Variants in TRPM6 observed in about 807,000 individuals in gnomAD.
TRPM6 encodes transient receptor potential cation channel subfamily M member 6.
TRPM6 carries 111 observed loss-of-function variants against 247.6 expected under a neutral mutation model. The observed-to-expected ratio is 0.45, with a 90% CI of 0.38 to 0.52. The LOEUF (loss-of-function observed/expected upper bound fraction) is 0.52, where lower values mean the gene tolerates loss of function less well. Among genes scored for constraint, TRPM6 ranks in the 20% least tolerant of loss-of-function variants. The probability of loss-of-function intolerance (pLI) is 0.00; values close to 1 mark genes in which losing one functional copy is unlikely to be tolerated. For missense variants in TRPM6, 2,126 were observed against 2,421.5 expected (o/e 0.88, Z 2.56); for synonymous variants, 892 against 853.8 (o/e 1.04, Z -0.78).
At chr9:74,830,132 AAAAAC>A (rs552502797) in intron 6 of TRPM6, among the ~76,000 whole-genome samples, 1 of 152,186 alleles carries the variant, frequency 6.6e-6, no homozygotes, top group Non-Finnish European at 1.5e-5. Context: ...TTTATCTTAA[AAAAAC>A]AAAACAAAAC....
intron 1 of TRPM6, among the ~76,000 whole-genome samples, chr9:74,880,538 C>A (rs777585223): frequency 6.6e-6 from 1 of 151,446 alleles, no homozygotes; most frequent in Non-Finnish European, 1.5e-5. Context: ...ATGATATATT[C>A]AAAATACCGA....
At chr9:74,846,944 C>T (rs980813135) in intron 3 of TRPM6, among the ~76,000 whole-genome samples, 1 of 152,126 alleles carries the variant, frequency 6.6e-6, no homozygotes, top group African/African-American at 2.4e-5. Flanking sequence ...TCCAAAAAGC[C>T]TAGTCATCAG....
At chr9:74,866,012 C>G (rs1234175432) in intron 1 of TRPM6, among the ~76,000 whole-genome samples, 1 of 152,268 alleles carries the variant, frequency 6.6e-6, no homozygotes, top group Non-Finnish European at 1.5e-5. Context: ...TTAGAAGTTA[C>G]ATGTTTGGCC....
At chr9:74,863,790 G>T (rs1048511054) in intron 1 of TRPM6, among the ~76,000 whole-genome samples, 5 of 151,818 alleles carry the variant, frequency 3.3e-5, no homozygotes, top group African/African-American at 9.7e-5. Context: ...GTTTCACCGT[G>T]TTAGCCAGGG....
At chr9:74,809,218 T>C (rs1361653435) in intron 13 of TRPM6, among the ~76,000 whole-genome samples, 2 of 152,116 alleles carry the variant, frequency 1.3e-5, no homozygotes, top group African/African-American at 2.4e-5. Context: ...AGTGTTATGA[T>C]TGGTTGGCAG....
At chr9:74,736,851 C>T (rs993207940) in intron 36 of TRPM6, among the ~76,000 whole-genome samples, 3 of 152,164 alleles carry the variant, frequency 2.0e-5, no homozygotes, top group African/African-American at 7.2e-5. Flanking sequence ...TACTAAGAGA[C>T]ATAAAAATCC....
At chr9:74,856,445 ATGTGTG>A (rs748325225) in intron 2 of TRPM6, among the ~76,000 whole-genome samples, 2 of 125,190 alleles carry the variant, frequency 1.6e-5, no homozygotes, top group African/African-American at 6.7e-5. Flanking sequence ...GTCTCAAAAT[ATGTGTG>A]TGTGTGTGTG....
At chr9:74,797,150 A>G (rs542596377) in intron 17 of TRPM6, among the ~76,000 whole-genome samples, 1 of 152,346 alleles carries the variant, frequency 6.6e-6, no homozygotes, top group South Asian at 2.1e-4. Flanking sequence ...ACTGGTGTCA[A>G]CCTAAATGTC....
intron 3 of TRPM6, among the ~76,000 whole-genome samples, chr9:74,854,837 T>C (rs1346047539): frequency 6.6e-6 from 1 of 152,066 alleles, no homozygotes; most frequent in East Asian, 1.9e-4. Flanking sequence ...CTACAATTTT[T>C]TGGGTTTTGT....
intron 1 of TRPM6, among the ~76,000 whole-genome samples, chr9:74,887,075 C>G (rs189813842): frequency 6.6e-6 from 1 of 152,242 alleles, no homozygotes. Flanking sequence ...AGTGCTCTCC[C>G]AACAGCCAGG....
intron 1 of TRPM6, among the ~76,000 whole-genome samples, chr9:74,877,422 A>AAG (rs970880877): frequency 3.9e-5 from 6 of 152,310 alleles, no homozygotes; most frequent in African/African-American, 1.4e-4. Flanking sequence ...AGCTGCCTGG[A>AAG]GACCATGTGA....
rs572908944 is a variant in TRPM6 at position 74,739,342 on chromosome 9, G to A, written c.5570+25C>T. 56 of 1,602,842 alleles carry A rather than the reference G, an allele frequency of 3.5e-5. No homozygotes were observed. The South Asian group carries it at 6.2e-4, about 18-fold the overall frequency. On this transcript the variant is annotated intron_variant, in intron 35 of 38. Transcript: ENST00000360774. Reference sequence around the variant, plus strand: ...ATAGAAATTCCTACTTGAAACAAAGGGCCAAGGTGCCAAGATTTTCTTACC... The same window carrying A: ...ATAGAAATTCCTACTTGAAACAAAGAGCCAAGGTGCCAAGATTTTCTTACC...
chr9:74,786,011 G>A lies in TRPM6; in HGVS notation c.2782C>T (p.Arg928Ter), dbSNP rs778418403. The A allele has an allele frequency of 2.5e-6, 4 of 1,614,188 alleles. No homozygotes were observed. The highest frequency in any genetic ancestry group is 2.2e-5 in the East Asian group (1 of 44,880). The change falls in exon 21 of 39, where the codon CGA (arginine) becomes TGA (stop). Residue 928 changes from arginine (R) to a stop codon, truncating the protein, a stop_gained. Transcript: ENST00000360774. LOFTEE classifies it high-confidence loss of function. ...IGLFSAGFVL[R>*]WGDPPFHTAG... ...GTGTGAAAAGGAGGGTCACCCCATCGAAGGACGAAGCCAGCTGAAAACAGG... is the reference window on the plus strand; with the variant it reads ...GTGTGAAAAGGAGGGTCACCCCATCAAAGGACGAAGCCAGCTGAAAACAGG...
In TRPM6 at chr9:74,739,940, G is replaced by A. The variant is rs764032925; in HGVS notation, c.5270C>T (p.Ser1757Phe). 1.2e-6 allele frequency: 2 copies of A among 1,614,108 alleles called. No homozygotes were observed. The highest frequency in any genetic ancestry group is 2.2e-5 in the South Asian group (2 of 91,076). ...SPLNLDKSMS[S>F]WSQRGRAAMI... ...TGCCGCTCTCCCACGCTGAGACCAA[G>A]AGGACATGCTTTTATCAAGGTTTAA... The change falls in exon 34 of 39, where the codon TCT (serine) becomes TTT (phenylalanine). Residue 1757 changes from serine to phenylalanine, a missense_variant. Around this residue, in one of 3 missense-constraint regions of TRPM6, gnomAD observed 327 missense variants for 397.7 expected, o/e 0.82. Coordinates refer to ENST00000360774, the MANE Select transcript of TRPM6 (RefSeq NM_017662.5).
intron 20 of TRPM6, among the ~76,000 whole-genome samples, chr9:74,786,646 A>T (rs996350498): frequency 1.3e-4 from 20 of 152,200 alleles, no homozygotes; most frequent in Admixed American, 1.0e-3. Context: ...AGTCTGAGGC[A>T]GGAGAATGGC....
At chr9:74,793,860 A>G (rs1827992643) in intron 18 of TRPM6, among the ~76,000 whole-genome samples, 1 of 152,190 alleles carries the variant, frequency 6.6e-6, no homozygotes, top group Admixed American at 6.5e-5. Context: ...AACTACCAAA[A>G]AGGTATGTGT....
In TRPM6 at chr9:74,739,991, A is replaced by G; in HGVS notation, c.5219T>C (p.Val1740Ala). 6.2e-7 allele frequency: 1 copy of G among 1,614,072 alleles called. No homozygotes were observed. The highest frequency in any genetic ancestry group is 8.5e-7 in the Non-Finnish European group (1 of 1,179,998). ...VQLFAGEEIT[V>A]YRLEESSPLN... ...AGGGGAACTCTCCTCCAACCTGTAG[A>G]CAGTTATTTCTTCTCCTGCTGCAAA... The change falls in exon 34 of 39, where the codon GTC becomes GCC. Residue 1740 changes from valine (V) to alanine (A), a missense_variant. Val to Ala is a moderately conservative substitution (Grantham distance 64, BLOSUM62 0). This residue lies in a region of TRPM6 where 327 missense variants were observed against 397.7 expected (regional missense o/e 0.82). Coordinates refer to ENST00000360774, the MANE Select transcript of TRPM6 (RefSeq NM_017662.5).
chr9:74,887,312 G>C (rs917145686), intron 1 of TRPM6: 1 of 1,366,256 alleles, frequency 7.3e-7, no homozygotes, highest in Non-Finnish European at 9.4e-7. Context: ...GCGGAGGGAC[G>C]GCCGTCTGGG....
At chr9:74,880,995 GA>G (rs139525215) in intron 1 of TRPM6, among the ~76,000 whole-genome samples, 3,232 of 152,110 alleles carry the variant, frequency 0.021, 134 homozygotes, top group African/African-American at 0.075. Context: ...GAATGGATTG[GA>G]AAAAAACAAT....
Sources: gnomAD v4.1 joint callset for allele counts (sites outside exome capture counted in the v4.1 genomes callset) on GRCh38, gnomAD v4.1.1 for gene constraint, gnomAD v4.1.1 regional missense constraint, MANE v1.5 for transcripts, NCBI Gene and HGNC (gene_info 2026-07-23, HGNC 2026-07-21) for gene names.